SYK: variants seen among roughly 807,000 people sequenced by gnomAD.
The protein encoded by SYK is tyrosine-protein kinase SYK.
In SYK, 16 loss-of-function variants were observed where a neutral mutation model predicts 77.8. The observed-to-expected ratio is 0.21, with a 90% CI of 0.14 to 0.31. The LOEUF (loss-of-function observed/expected upper bound fraction) is 0.31. SYK is among the 10% of genes least tolerant of loss of function. The pLI, the probability that SYK is intolerant of heterozygous loss-of-function variation, is 1.00. For missense variants in SYK, 529 were observed against 814.4 expected (o/e 0.65, Z 4.26); for synonymous variants, 312 against 308.7 (o/e 1.01, Z -0.11).
intron 3 of SYK, among the ~76,000 whole-genome samples, chr9:90,855,680 G>A (rs563492623): frequency 2.2e-4 from 34 of 151,974 alleles, no homozygotes; most frequent in Admixed American, 7.2e-4. Flanking sequence ...GTGTGTGTGT[G>A]TGTGTGTGGG....
At chr9:90,810,809 G>A (rs574699027) in intron 1 of SYK, among the ~76,000 whole-genome samples, 12 of 152,318 alleles carry the variant, frequency 7.9e-5, no homozygotes, top group South Asian at 6.2e-4. Flanking sequence ...GGTGTTAAGG[G>A]AGACAAACTC....
At chr9:90,826,999 T>C (rs1825686230) in intron 1 of SYK, among the ~76,000 whole-genome samples, 1 of 152,030 alleles carries the variant, frequency 6.6e-6, no homozygotes, top group African/African-American at 2.4e-5. Flanking sequence ...ATTAGCATCT[T>C]GAGGTCTCCA....
At chr9:90,859,931 G>A (rs751217508) in intron 3 of SYK, among the ~76,000 whole-genome samples, 74 of 152,212 alleles carry the variant, frequency 4.9e-4, no homozygotes, top group Admixed American at 9.2e-4. Context: ...AGGGTAAGAT[G>A]GAGTACAGCA....
intron 1 of SYK, among the ~76,000 whole-genome samples, chr9:90,840,244 C>T (rs1281135282): frequency 1.3e-5 from 2 of 152,170 alleles, no homozygotes; most frequent in East Asian, 3.9e-4. Context: ...CAGAACCCAG[C>T]ATCCGCATCA....
chr9:90,884,255 A>ACATACGTGTATATATACACG (rs1828310470), intron 11 of SYK, among the ~76,000 whole-genome samples: 1 of 147,982 alleles, frequency 6.8e-6, no homozygotes, highest in African/African-American at 2.6e-5. Context: ...ATACACATAC[A>ACATACGTGTATATATACACG]CATACACATA....
chr9:90,845,517 T>G lies in SYK; in HGVS notation c.501T>G (p.Pro167=). ...LIATTAHEKM[P]WFHGKISREE... Reference sequence around the variant, plus strand: ...CTACCACAGCCCATGAAAAAATGCCTTGGTTCCATGGAAAAATCTCTCGGG... The same window carrying G: ...CTACCACAGCCCATGAAAAAATGCCGTGGTTCCATGGAAAAATCTCTCGGG... Residue 167 remains proline, a synonymous_variant, in exon 3 of 14, where the codon CCT becomes CCG. Coordinates refer to ENST00000375754, the MANE Select transcript of SYK (RefSeq NM_003177.7). 1 of 1,614,220 alleles carries G rather than the reference T, an allele frequency of 6.2e-7. No individual in the cohort carries two copies. The highest frequency in any genetic ancestry group is 1.3e-5 in the African/African-American group (1 of 75,056).
rs757400355 is a variant in SYK, at chr9:90,884,458, CAT to C, written c.1582-3288_1582-3287del. Among the ~76,000 whole-genome samples, 163 of 62,364 alleles carry C rather than the reference CAT, an allele frequency of 2.6e-3. 74 individuals carry two copies. Among genetic ancestry groups the C allele is most frequent in the East Asian group, 9.2e-3 (11 of 1,192 alleles). The allele number at this position is 62,364 out of a possible 152,430, so 40.9% of individuals were successfully genotyped here. ...GTGTGTACATATACATACACATACA[CAT>C]ATGTGTGTACATATACATACACACA... is the stretch of plus-strand genomic sequence containing the variant. On this transcript the variant is annotated intron_variant, in intron 11 of 13. Coordinates refer to ENST00000375754, the MANE Select transcript of SYK (RefSeq NM_003177.7).
At chr9:90,862,691 T>C (rs1366099341) in intron 4 of SYK, among the ~76,000 whole-genome samples, 1 of 152,156 alleles carries the variant, frequency 6.6e-6, no homozygotes, top group Non-Finnish European at 1.5e-5. Context: ...GTGTTCAGAG[T>C]TTAACAAGAC....
chr9:90,834,922 G>C (rs1052895169), intron 1 of SYK, among the ~76,000 whole-genome samples: 1 of 152,208 alleles, frequency 6.6e-6, no homozygotes, highest in Non-Finnish European at 1.5e-5. Context: ...CTGACACAGT[G>C]GTTTCCAGTC....
chr9:90,837,879 C>T (rs1201985224), intron 1 of SYK, among the ~76,000 whole-genome samples: 3 of 152,358 alleles, frequency 2.0e-5, no homozygotes, highest in South Asian at 4.1e-4. Flanking sequence ...TGGAGCTCAG[C>T]TCCTGCACAA....
At position 90,877,571 on chromosome 9, in the gene SYK, A is replaced by G; in HGVS notation, c.1182A>G (p.Lys394=). 6.2e-7 allele frequency: 1 copy of G among 1,614,136 alleles called. No individual in the cohort carries two copies. The highest frequency in any genetic ancestry group is 8.5e-7 in the Non-Finnish European group (1 of 1,180,004). The part of the protein sequence containing the change: ...TVKKGYYQMK[K]VVKTVAVKIL... ...TTGTGTGTTATGATTTCTCTTGCAG[A>G]GTTGTGAAAACCGTGGCTGTGAAAA... is the stretch of plus-strand genomic sequence containing the variant. Residue 394 remains lysine, a splice_region_variant and synonymous_variant, in exon 10 of 14, where the codon AAA becomes AAG. Coordinates refer to ENST00000375754, the MANE Select transcript of SYK (RefSeq NM_003177.7).
chr9:90,816,380 G>T (rs900971638), intron 1 of SYK, among the ~76,000 whole-genome samples: 1 of 152,150 alleles, frequency 6.6e-6, no homozygotes, highest in Non-Finnish European at 1.5e-5. Context: ...TCCTGAAATC[G>T]TTCACTGCCA....
intron 3 of SYK, among the ~76,000 whole-genome samples, chr9:90,852,579 A>G (rs1826860064): frequency 6.6e-6 from 1 of 152,236 alleles, no homozygotes; most frequent in South Asian, 2.1e-4. Flanking sequence ...TGTAAATCTT[A>G]CAAAGCCAAG....
At chr9:90,855,007 T>TACACACACACACACACAC (rs769425530) in intron 3 of SYK, among the ~76,000 whole-genome samples, 3 of 42,044 alleles carry the variant, frequency 7.1e-5, no homozygotes, top group Admixed American at 5.3e-4. Flanking sequence ...CACACACACA[T>TACACACACACACACACAC]ACATACACAC....
At chr9:90,864,506 A>C in intron 4 of SYK, 83 bp from the exon 5 acceptor site, 1 of 1,244,334 alleles carries the variant, frequency 8.0e-7, no homozygotes, top group Non-Finnish European at 1.2e-6. Context: ...CGAAAGCCCA[A>C]CAGTCAGTCA....
rs184068766 is a variant in SYK, at chr9:90,803,834, C to T, written c.-42+1941C>T. On this transcript the variant is annotated intron_variant, in intron 1 of 13. Transcript: ENST00000375754. ...AAGGTAAACATACATGTTGACCCTG[C>T]TGGTTACATGCCATTCCAATATAGT... Among the ~76,000 whole-genome samples the T allele has an allele frequency of 3.3e-4, 50 of 152,264 alleles. No individual in the cohort carries two copies. In the East Asian group the frequency reaches 8.7e-3, roughly 26 times the overall value.
chr9:90,875,884 A>G (rs1317612906), intron 9 of SYK, among the ~76,000 whole-genome samples: 1 of 152,180 alleles, frequency 6.6e-6, no homozygotes, highest in Non-Finnish European at 1.5e-5. Context: ...TAGATTTAGT[A>G]GCTTCATGGT....
At position 90,843,670 on chromosome 9, in the gene SYK, G is replaced by T. The variant is rs533134970; in HGVS notation, c.-41-188G>T. On this transcript the variant is annotated intron_variant, in intron 1 of 13. Coordinates refer to ENST00000375754, the MANE Select transcript of SYK (RefSeq NM_003177.7). The stretch of plus-strand genomic sequence containing the variant: ...GCTCTGATTTTAGCTTAGTTAGAAG[G>T]CATGCTGAAAACTGTAATGATGATG... Among the ~76,000 whole-genome samples the T allele has an allele frequency of 4.6e-5, 7 of 152,318 alleles. No individual in the cohort carries two copies. In the South Asian group the frequency reaches 1.5e-3, roughly 32 times the overall value.
At chr9:90,811,816 A>C (rs1200306737) in intron 1 of SYK, among the ~76,000 whole-genome samples, 2 of 151,356 alleles carry the variant, frequency 1.3e-5, no homozygotes, top group African/African-American at 4.9e-5. Flanking sequence ...TCCCAGCTAC[A>C]TGGGGGCGCT....
Sources: allele counts gnomAD v4.1 joint callset (sites outside exome capture counted in the v4.1 genomes callset), GRCh38; gene constraint gnomAD v4.1.1; transcripts MANE v1.5; gene names NCBI Gene and HGNC (gene_info 2026-07-23, HGNC 2026-07-21).